LOC400499: variants seen among roughly 807,000 people sequenced by gnomAD.
At chr16:11,463,914 C>T in the LOC400499 span, among the ~76,000 whole-genome samples, 1 of 151,762 alleles carries the variant, frequency 6.6e-6, no homozygotes, top group Non-Finnish European at 1.5e-5. Flanking sequence ...CACATGTGGA[C>T]TGTGTGAATA....
At chr16:11,505,575 T>A in the LOC400499 span, among the ~76,000 whole-genome samples, 1 of 148,740 alleles carries the variant, frequency 6.7e-6, no homozygotes, top group African/African-American at 2.5e-5. Context: ...TCCCTCAGCT[T>A]CCCAAGTAGC....
At chr16:11,446,983 C>T in the LOC400499 span, 31 of 1,457,526 alleles carry the variant, frequency 2.1e-5, no homozygotes, top group Non-Finnish European at 2.6e-5. Context: ...TTGTGCCCCA[C>T]GGTCTCAGCC....
chr16:11,432,913 G>C, the LOC400499 span, among the ~76,000 whole-genome samples: 1 of 152,184 alleles, frequency 6.6e-6, no homozygotes, highest in South Asian at 2.1e-4. Context: ...CATGAATTTT[G>C]TTTACTGAAA....
chr16:11,508,568 G>A, the LOC400499 span: 4 of 396,030 alleles, frequency 1.0e-5, no homozygotes, highest in Non-Finnish European at 1.8e-5. Context: ...AGGCACAGCT[G>A]TGCAGTGCAC....
the LOC400499 span, among the ~76,000 whole-genome samples, chr16:11,450,426 G>A: frequency 1.1e-4 from 17 of 152,108 alleles, no homozygotes; most frequent in African/African-American, 3.9e-4. Context: ...CTTTTTTTAG[G>A]TCTAATTCTT....
the LOC400499 span, among the ~76,000 whole-genome samples, chr16:11,458,845 G>T: frequency 6.6e-6 from 1 of 151,922 alleles, no homozygotes; most frequent in Non-Finnish European, 1.5e-5. Flanking sequence ...GACCAGCCTG[G>T]CCAACATGGA....
At chr16:11,389,143 C>T in the LOC400499 span, among the ~76,000 whole-genome samples, 1 of 152,098 alleles carries the variant, frequency 6.6e-6, no homozygotes, top group Admixed American at 6.6e-5. Flanking sequence ...AGTAGTGACC[C>T]CCACCTGGAG....
chr16:11,429,476 A>C, the LOC400499 span, among the ~76,000 whole-genome samples: 1 of 152,148 alleles, frequency 6.6e-6, no homozygotes, highest in African/African-American at 2.4e-5. Flanking sequence ...TGCCCTAAGC[A>C]ATAATTTATT....
At chr16:11,402,856 G>A in the LOC400499 span, among the ~76,000 whole-genome samples, 3 of 151,960 alleles carry the variant, frequency 2.0e-5, no homozygotes, top group East Asian at 1.9e-4. Context: ...GGGGGCAGCC[G>A]CAACCTCAAC....
the LOC400499 span, among the ~76,000 whole-genome samples, chr16:11,408,923 T>G: frequency 6.6e-6 from 1 of 152,086 alleles, no homozygotes; most frequent in Admixed American, 6.6e-5. Context: ...GGGTATGCAC[T>G]GTAAAATTAC....
chr16:11,465,580 A>C, the LOC400499 span: 115 of 151,284 alleles, frequency 7.6e-4, no homozygotes, highest in African/African-American at 2.7e-3. Flanking sequence ...GAGCCTAGAC[A>C]ACATAGTAAG....
the LOC400499 span, among the ~76,000 whole-genome samples, chr16:11,400,606 A>AAG: frequency 6.6e-6 from 1 of 151,802 alleles, no homozygotes; most frequent in African/African-American, 2.4e-5. Context: ...ACACCCAGCT[A>AAG]ATTTTTATAT....
At chr16:11,487,498 A>AC in the LOC400499 span, 1 of 394,184 alleles carries the variant, frequency 2.5e-6, no homozygotes, top group Non-Finnish European at 4.4e-6. Context: ...GTGTCTTCCC[A>AC]CCCCTCCCTG....
chr16:11,396,766 G>T, the LOC400499 span: 1 of 1,079,254 alleles, frequency 9.3e-7, no homozygotes, highest in Non-Finnish European at 1.2e-6. Context: ...AGCAGCAGCT[G>T]CCACCTCCCA....
chr16:11,526,689 G>C, the LOC400499 span, among the ~76,000 whole-genome samples: 1 of 152,072 alleles, frequency 6.6e-6, no homozygotes, highest in Non-Finnish European at 1.5e-5. Flanking sequence ...TGTATGTGTG[G>C]GTACTAGGAA....
the LOC400499 span, among the ~76,000 whole-genome samples, chr16:11,449,779 G>C: frequency 6.6e-6 from 1 of 152,210 alleles, no homozygotes; most frequent in Non-Finnish European, 1.5e-5. Flanking sequence ...CCCACCAGAT[G>C]CTTGGGCCAA....
chr16:11,475,559 G>C, the LOC400499 span: 1 of 398,220 alleles, frequency 2.5e-6, no homozygotes, highest in African/African-American at 2.1e-5. Flanking sequence ...TCTGGAGCTG[G>C]CATTTTTCCC....
chr16:11,461,516 T>C, the LOC400499 span, among the ~76,000 whole-genome samples: 14 of 152,130 alleles, frequency 9.2e-5, no homozygotes, highest in African/African-American at 3.4e-4. Context: ...ACACTGTGCC[T>C]GGCCCAAAAA....
At chr16:11,438,885 AAG>A in the LOC400499 span, among the ~76,000 whole-genome samples, 1 of 152,170 alleles carries the variant, frequency 6.6e-6, no homozygotes, top group Admixed American at 6.5e-5. Context: ...GCTTGGGGCC[AAG>A]AGTTTAAAAC....
Sources: allele counts gnomAD v4.1 joint callset (sites outside exome capture counted in the v4.1 genomes callset), GRCh38; gene constraint gnomAD v4.1.1; transcripts MANE v1.5.